PLN: variants seen among roughly 807,000 people sequenced by gnomAD.
The protein encoded by PLN is cardiac phospholamban.
Under a neutral mutation model 3.9 loss-of-function variants are expected in PLN, and 1 was observed. That is an observed-to-expected ratio of 0.26 (90% CI 0.09 to 1.23). The LOEUF (loss-of-function observed/expected upper bound fraction) is 1.23, where lower values mean the gene tolerates loss of function less well. PLN is among the 50% of genes most tolerant of loss of function. The pLI, the probability that PLN is intolerant of heterozygous loss-of-function variation, is 0.48. For missense variants in PLN, 59 were observed against 62.7 expected, an observed-to-expected ratio of 0.94 and a Z score of 0.20; for synonymous variants, 21 against 20.5, an observed-to-expected ratio of 1.02 and a Z score of -0.07.
Position 118,561,372 on chromosome 6 carries a change from A to G in PLN, c.*2292A>G, listed in dbSNP as rs555382305. 4.6e-5 allele frequency among the ~76,000 whole-genome samples: 7 copies of G among 152,244 alleles called. No individual in the cohort carries two copies. Among genetic ancestry groups the G allele is most frequent in the Admixed American group, 2.6e-4 (4 of 15,290 alleles). On this transcript the variant is annotated 3_prime_UTR_variant, in exon 2 of 2. Transcript: ENST00000357525. Reference sequence around the variant, plus strand: ...TTTTTCTCAGTAAACAGAAATAACTAATTTTTTTGTTCTTCATTCTTTGAT... The same window carrying G: ...TTTTTCTCAGTAAACAGAAATAACTGATTTTTTTGTTCTTCATTCTTTGAT...
At chr6:118,553,379 G>A (rs1470537807) in intron 1 of PLN, among the ~76,000 whole-genome samples, 1 of 152,134 alleles carries the variant, frequency 6.6e-6, no homozygotes, top group African/African-American at 2.4e-5. Context: ...AATTCTCAAT[G>A]TATGACAGGA....
intron 1 of PLN, among the ~76,000 whole-genome samples, chr6:118,554,745 T>C (rs1778751904): frequency 6.6e-6 from 1 of 152,238 alleles, no homozygotes; most frequent in Admixed American, 6.5e-5. Flanking sequence ...CACTAGGAAG[T>C]GATATTTAAA....
chr6:118,551,840 T>C (rs1295479116), intron 1 of PLN, among the ~76,000 whole-genome samples: 1 of 152,024 alleles, frequency 6.6e-6, no homozygotes, highest in Non-Finnish European at 1.5e-5. Flanking sequence ...TGTCCAAGTT[T>C]AGTATTAGGC....
chr6:118,555,197 C>T (rs1302725016), intron 1 of PLN, among the ~76,000 whole-genome samples: 1 of 152,004 alleles, frequency 6.6e-6, no homozygotes, highest in Middle Eastern at 3.2e-3. Flanking sequence ...TTTGGGAGGC[C>T]GAGGCGGGTG....
In PLN at chr6:118,558,666, G is replaced by C. The variant is rs201021531; in HGVS notation, c.-97-159G>C. 0.19 allele frequency among the ~76,000 whole-genome samples: 21,773 copies of C among 114,942 alleles called. 1,582 individuals carry two copies. Among genetic ancestry groups the C allele is most frequent in the Middle Eastern group, 0.25 (50 of 198 alleles). The allele number at this position is 114,942 out of a possible 152,430, so 75.4% of individuals were successfully genotyped here. A position where few individuals can be genotyped will look rare whatever the true frequency, so the allele number is the denominator to read the frequency against. The stretch of plus-strand genomic sequence containing the variant: ...ACACACACACACACACACACAGAGA[G>C]AGAGAGAGAGAGAGAGAGAGAGGGA... On this transcript the variant is annotated intron_variant, in intron 1 of 1. Transcript: ENST00000357525.
chr6:118,551,809 A>G (rs1017167106), intron 1 of PLN, among the ~76,000 whole-genome samples: 2 of 152,056 alleles, frequency 1.3e-5, no homozygotes, highest in Admixed American at 1.3e-4. Flanking sequence ...TGTTGCTACC[A>G]CAAAGTAACT....
intron 1 of PLN, among the ~76,000 whole-genome samples, chr6:118,554,262 G>C (rs1293414616): frequency 6.6e-6 from 1 of 152,084 alleles, no homozygotes; most frequent in African/African-American, 2.4e-5. Context: ...ACTCCAGCCT[G>C]GGTGACAGAG....
At chr6:118,548,951 T>G (rs1778371171) in intron 1 of PLN, among the ~76,000 whole-genome samples, 1 of 151,990 alleles carries the variant, frequency 6.6e-6, no homozygotes, top group Non-Finnish European at 1.5e-5. Flanking sequence ...ACTTTTAAAG[T>G]GCCCTTGAGG....
chr6:118,551,478 G>T (rs535030564), intron 1 of PLN, among the ~76,000 whole-genome samples: 2 of 151,260 alleles, frequency 1.3e-5, no homozygotes. Context: ...CTCCTACAGG[G>T]TTAAGAAGAA....
chr6:118,549,241 A>G (rs1197899950), intron 1 of PLN, among the ~76,000 whole-genome samples: 1 of 151,918 alleles, frequency 6.6e-6, no homozygotes, highest in East Asian at 1.9e-4. Flanking sequence ...TTGTCAAGTT[A>G]TTATCCTCCA....
intron 1 of PLN, among the ~76,000 whole-genome samples, chr6:118,555,022 G>T (rs1198926065): frequency 1.3e-5 from 2 of 152,042 alleles, no homozygotes; most frequent in Non-Finnish European, 2.9e-5. Flanking sequence ...TAAAATTTCT[G>T]ACCTTTTAAG....
intron 1 of PLN, among the ~76,000 whole-genome samples, chr6:118,557,393 C>G (rs963175413): frequency 2.0e-5 from 3 of 152,188 alleles, no homozygotes; most frequent in Admixed American, 6.5e-5. Flanking sequence ...CCAAAACAAG[C>G]TGTACCTTAA....
chr6:118,554,133 C>CA (rs1778707939), intron 1 of PLN, among the ~76,000 whole-genome samples: 1 of 152,014 alleles, frequency 6.6e-6, no homozygotes, highest in African/African-American at 2.4e-5. Context: ...ACCAAAAATA[C>CA]AAAAATTAGC....
chr6:118,554,792 A>G (rs117972556), intron 1 of PLN, among the ~76,000 whole-genome samples: 2 of 152,228 alleles, frequency 1.3e-5, no homozygotes, highest in African/African-American at 4.8e-5. Context: ...TGCATGGCAG[A>G]CAATCAAAAG....
intron 1 of PLN, among the ~76,000 whole-genome samples, chr6:118,551,000 AAC>A (rs1778509707): frequency 2.0e-5 from 3 of 151,960 alleles, no homozygotes; most frequent in South Asian, 4.1e-4. Flanking sequence ...TAAAAAAAAT[AAC>A]ACACCCCAAT....
At chr6:118,556,215 A>C (rs953897958) in intron 1 of PLN, among the ~76,000 whole-genome samples, 1 of 152,162 alleles carries the variant, frequency 6.6e-6, no homozygotes, top group East Asian at 1.9e-4. Context: ...ATAAGCTGCT[A>C]TTTTCTAAGT....
chr6:118,554,887 G>GA (rs1213901761), intron 1 of PLN, among the ~76,000 whole-genome samples: 1 of 152,194 alleles, frequency 6.6e-6, no homozygotes, highest in African/African-American at 2.4e-5. Context: ...ATGGAAAGGT[G>GA]ACATGTTTCA....
At chr6:118,555,899 G>A (rs1778840283) in intron 1 of PLN, among the ~76,000 whole-genome samples, 1 of 151,572 alleles carries the variant, frequency 6.6e-6, no homozygotes, top group African/African-American at 2.4e-5. Flanking sequence ...AGAACCTGTG[G>A]TATTTGGTTT....
At chr6:118,549,100 A>G (rs1313196162) in intron 1 of PLN, among the ~76,000 whole-genome samples, 1 of 152,006 alleles carries the variant, frequency 6.6e-6, no homozygotes, top group Non-Finnish European at 1.5e-5. Context: ...AATGTTCACA[A>G]ACACAAAAAA....
Sources: gnomAD v4.1 joint callset for allele counts (sites outside exome capture counted in the v4.1 genomes callset) on GRCh38, gnomAD v4.1.1 for gene constraint, MANE v1.5 for transcripts, NCBI Gene and HGNC (gene_info 2026-07-23, HGNC 2026-07-21) for gene names.